SLAIN2: variants seen among roughly 807,000 people sequenced by gnomAD.
SLAIN2 encodes SLAIN motif-containing protein 2.
SLAIN2 carries 31 observed loss-of-function variants against 56.6 expected under a neutral mutation model. That is an observed-to-expected ratio of 0.55 (90% CI 0.41 to 0.74). The LOEUF is 0.74. Among genes scored for constraint, SLAIN2 ranks in the 30% least tolerant of loss-of-function variants. The pLI is 0.00. For missense variants in SLAIN2, 777 were observed against 754.2 expected, an observed-to-expected ratio of 1.03 and a Z score of -0.35; for synonymous variants, 317 against 284.9, an observed-to-expected ratio of 1.11 and a Z score of -1.13.
intron 1 of SLAIN2, among the ~76,000 whole-genome samples, chr4:48,364,677 C>G (rs922815900): frequency 3.3e-5 from 4 of 122,176 alleles, no homozygotes; most frequent in Non-Finnish European, 5.6e-5. Context: ...GGCTGGAGAT[C>G]GGCCCGGCCA....
intron 1 of SLAIN2, among the ~76,000 whole-genome samples, chr4:48,363,959 G>A (rs1715428737): frequency 7.4e-6 from 1 of 134,912 alleles, no homozygotes; most frequent in East Asian, 2.2e-4. Context: ...CGGGGCGGCT[G>A]GCCGGGCAGG....
In SLAIN2 at chr4:48,341,875, C is replaced by T; in HGVS notation, c.136C>T (p.Pro46Ser). 1.3e-6 allele frequency: 2 copies of T among 1,516,726 alleles called. No homozygotes were observed. The highest frequency in any genetic ancestry group is 1.8e-6 in the Non-Finnish European group (2 of 1,133,098). 94.0% of individuals were successfully genotyped at this position (1,516,726 alleles called of 1,614,324 possible). ...CGTGCAGGGCGCCGGCTCCCTTGGG[C>T]CCGGCAGCCCGGTTCGGGCCGGCGC... is the stretch of plus-strand genomic sequence containing the variant. ...GAVQGAGSLGPGSPVRAGASI... is the reference protein window; with the variant it reads ...GAVQGAGSLGSGSPVRAGASI... Residue 46 changes from proline (P) to serine (S), a missense_variant, in exon 1 of 8, where the codon CCC becomes TCC. Pro to Ser is a moderately conservative substitution (Grantham distance 74). Coordinates refer to ENST00000264313, the MANE Select transcript of SLAIN2 (RefSeq NM_020846.2).
At chr4:48,367,650 G>A (rs1363755916) in intron 1 of SLAIN2, among the ~76,000 whole-genome samples, 1 of 152,022 alleles carries the variant, frequency 6.6e-6, no homozygotes, top group African/African-American at 2.4e-5. Flanking sequence ...CAGTTGTGAT[G>A]TTTTAGTTGG....
In SLAIN2 at chr4:48,341,812, G is replaced by C; in HGVS notation, c.73G>C (p.Glu25Gln). ...GCTGCAGGAGCTGGTGAAGAAGCTGGAGAAGCAGAACGAACAGCTGAGGAG... is the reference window on the plus strand; with the variant it reads ...GCTGCAGGAGCTGGTGAAGAAGCTGCAGAAGCAGAACGAACAGCTGAGGAG... ...RKLQELVKKL[E>Q]KQNEQLRSRS... The change falls in exon 1 of 8, where the codon GAG becomes CAG. Residue 25 changes from glutamate (E) to glutamine (Q), a missense_variant. Physicochemically the swap from Glu to Gln is conservative, Grantham distance 29. Transcript: ENST00000264313. 1.3e-6 allele frequency: 2 copies of C among 1,534,424 alleles called. No homozygotes were observed. The highest frequency in any genetic ancestry group is 8.8e-7 in the Non-Finnish European group (1 of 1,140,708).
intron 6 of SLAIN2, among the ~76,000 whole-genome samples, chr4:48,404,975 G>C (rs1445611885): frequency 1.3e-5 from 2 of 152,064 alleles, no homozygotes; most frequent in African/African-American, 4.8e-5. Flanking sequence ...CATAAACTTT[G>C]TTAAAGTATT....
At chr4:48,342,429 C>T (rs1376603418) in intron 1 of SLAIN2, among the ~76,000 whole-genome samples, 2 of 152,044 alleles carry the variant, frequency 1.3e-5, no homozygotes, top group East Asian at 3.9e-4. Context: ...GGGGAGGAGT[C>T]GGAGGTGGGA....
At chr4:48,377,219 G>T (rs1372701640) in intron 2 of SLAIN2, among the ~76,000 whole-genome samples, 1 of 151,590 alleles carries the variant, frequency 6.6e-6, no homozygotes, top group Non-Finnish European at 1.5e-5. Flanking sequence ...GTCTCACTCT[G>T]TCGCCCAGGC....
At chr4:48,383,907 G>T in intron 6 of SLAIN2, 123 bp downstream of exon 6, 1 of 1,025,440 alleles carries the variant, frequency 9.8e-7, no homozygotes. Context: ...CATAGCTATA[G>T]TAAAATTTAG....
chr4:48,356,487 T>C (rs866067934), intron 1 of SLAIN2, among the ~76,000 whole-genome samples: 1 of 152,202 alleles, frequency 6.6e-6, no homozygotes, highest in South Asian at 2.1e-4. Context: ...TCTGTACTAG[T>C]AGCTGAAAAG....
intron 6 of SLAIN2, among the ~76,000 whole-genome samples, chr4:48,400,932 C>T (rs1716537116): frequency 6.6e-6 from 1 of 151,970 alleles, no homozygotes; most frequent in Non-Finnish European, 1.5e-5. Flanking sequence ...GCATTTAGTG[C>T]CGTAAATTTC....
At chr4:48,402,528 T>C (rs1560463329) in intron 6 of SLAIN2, among the ~76,000 whole-genome samples, 1 of 152,228 alleles carries the variant, frequency 6.6e-6, no homozygotes, top group Admixed American at 6.5e-5. Context: ...TGAGATTCTT[T>C]CCTCCACTTG....
chr4:48,379,619 T>A (rs1427811083), intron 3 of SLAIN2, 71 bp from the exon 4 acceptor site: 24 of 1,169,678 alleles, frequency 2.1e-5, no homozygotes, highest in East Asian at 2.9e-5. Flanking sequence ...AATATCAAGT[T>A]AGTTGCAGTA....
intron 1 of SLAIN2, among the ~76,000 whole-genome samples, chr4:48,350,666 T>C (rs751685525): frequency 1.3e-5 from 2 of 152,222 alleles, no homozygotes; most frequent in African/African-American, 2.4e-5. Context: ...AAATTACGTC[T>C]TCTGAGATCT....
intron 6 of SLAIN2, among the ~76,000 whole-genome samples, chr4:48,397,974 G>A (rs998870444): frequency 2.6e-5 from 4 of 152,228 alleles, no homozygotes; most frequent in South Asian, 2.1e-4. Flanking sequence ...ATACACATGC[G>A]TGCATACATC....
At chr4:48,407,172 C>G (rs1716719364) in intron 6 of SLAIN2, among the ~76,000 whole-genome samples, 1 of 151,906 alleles carries the variant, frequency 6.6e-6, no homozygotes, top group African/African-American at 2.4e-5. Flanking sequence ...TTGTTGCCTT[C>G]TCTCGAATTA....
intron 6 of SLAIN2, chr4:48,394,731 CAGT>C (rs1716334151): frequency 8.8e-7 from 1 of 1,135,570 alleles, no homozygotes; most frequent in East Asian, 2.6e-5. Flanking sequence ...CATACTGAGT[CAGT>C]GGTGTCTGTA....
intron 1 of SLAIN2, among the ~76,000 whole-genome samples, chr4:48,355,745 TA>T (rs1478203106): frequency 2.6e-5 from 4 of 152,058 alleles, no homozygotes; most frequent in African/African-American, 9.6e-5. Flanking sequence ...ACGTATTTAA[TA>T]TACACATTTT....
intron 6 of SLAIN2, among the ~76,000 whole-genome samples, chr4:48,405,091 A>G (rs990669266): frequency 1.4e-4 from 22 of 152,242 alleles, no homozygotes; most frequent in Non-Finnish European, 2.4e-4. Flanking sequence ...TTTCTGGTTT[A>G]TAAATCTGTT....
At chr4:48,387,478 A>G (rs1181486500) in intron 6 of SLAIN2, 1 of 152,010 alleles carries the variant, frequency 6.6e-6, no homozygotes, top group African/African-American at 2.4e-5. Flanking sequence ...TATGTATGCA[A>G]TTTCATAATG....
Sources: allele counts gnomAD v4.1 joint callset (sites outside exome capture counted in the v4.1 genomes callset), GRCh38; gene constraint gnomAD v4.1.1; transcripts MANE v1.5; gene names NCBI Gene and HGNC (gene_info 2026-07-23, HGNC 2026-07-21).